EIF5B: variants seen among roughly 807,000 people sequenced by gnomAD.
EIF5B encodes the protein eIF-5B.
In EIF5B, 47 loss-of-function variants were observed where a neutral mutation model predicts 147.5. That is an observed-to-expected ratio of 0.32 (90% CI 0.25 to 0.41). The LOEUF is 0.41. EIF5B is among the 10% of genes least tolerant of loss of function. EIF5B has a pLI of 1.00. For missense variants in EIF5B, 1,064 were observed against 1,413.2 expected (o/e 0.75, Z 3.96); for synonymous variants, 455 against 456.2 (o/e 1.00, Z 0.03).
chr2:99,394,216 C>G, intron 18 of EIF5B, 51 bp from the exon 19 acceptor site: 1 of 1,559,172 alleles, frequency 6.4e-7, no homozygotes, highest in South Asian at 1.2e-5. Flanking sequence ...TTCTAGACTG[C>G]TGAGGATAGA....
chr2:99,372,633 C>G (rs1674476290), intron 9 of EIF5B, among the ~76,000 whole-genome samples: 1 of 152,200 alleles, frequency 6.6e-6, no homozygotes, highest in African/African-American at 2.4e-5. Context: ...CCACCACAGC[C>G]CGCCTAGTGT....
chr2:99,337,640 T>G, intron 1 of EIF5B, 51 bp downstream of exon 1: 1 of 1,559,068 alleles, frequency 6.4e-7, no homozygotes, highest in Non-Finnish European at 8.7e-7. Context: ...CTCAGTGGAG[T>G]GTGCGGGTCT....
At chr2:99,398,608 C>A in intron 22 of EIF5B, 140 bp from the exon 23 acceptor site, 1 of 845,490 alleles carries the variant, frequency 1.2e-6, no homozygotes. Context: ...AAATGTTACA[C>A]CGTGAGTGAT....
intron 1 of EIF5B, among the ~76,000 whole-genome samples, chr2:99,351,240 A>G (rs1673946285): frequency 6.6e-6 from 1 of 152,220 alleles, no homozygotes; most frequent in African/African-American, 2.4e-5. Flanking sequence ...CACTTAGTAC[A>G]GTATACTTTT....
chr2:99,366,747 G>A (rs979463008), intron 6 of EIF5B, among the ~76,000 whole-genome samples: 40 of 152,104 alleles, frequency 2.6e-4, no homozygotes, highest in Middle Eastern at 6.8e-3. Context: ...GTTCTAAAAT[G>A]GATATGAAGA....
At chr2:99,393,182 C>A in intron 18 of EIF5B, 84 bp downstream of exon 18, 1 of 1,264,418 alleles carries the variant, frequency 7.9e-7, no homozygotes, top group Non-Finnish European at 1.0e-6. Context: ...GGATGGTGAC[C>A]AAAACTGGCT....
chr2:99,391,342 A>G (rs1014311474), intron 17 of EIF5B, among the ~76,000 whole-genome samples: 9 of 152,206 alleles, frequency 5.9e-5, no homozygotes, highest in South Asian at 2.1e-4. Flanking sequence ...AAATCTGAGT[A>G]TAAGTGGACA....
rs186426390 is a variant in EIF5B, at chr2:99,355,928, T to A, written c.36-4308T>A. On this transcript the variant is annotated intron_variant, in intron 1 of 23. Coordinates refer to ENST00000289371, the MANE Select transcript of EIF5B (RefSeq NM_015904.4). ...GCACCCGGCCTCCCTGCTCAGTTTT[T>A]AAAAAATAAACTTTAATTTGTAGAA... is the stretch of plus-strand genomic sequence containing the variant. Among the ~76,000 whole-genome samples the A allele has an allele frequency of 5.3e-5, 8 of 152,250 alleles. No individual in the cohort carries two copies. The East Asian group carries it at 9.6e-4, about 18-fold the overall frequency.
chr2:99,386,468 C>CGCGCGTGTGTGTGTGT (rs1191263656), intron 14 of EIF5B, among the ~76,000 whole-genome samples: 53 of 142,480 alleles, frequency 3.7e-4, no homozygotes, highest in African/African-American at 1.2e-3. Context: ...TTTTGTTTTG[C>CGCGCGTGTGTGTGTGT]GTGTGTGTGT....
rs745645795 is a variant in EIF5B, at chr2:99,376,625, C to T, written c.1831C>T (p.Arg611Trp). 2.3e-5 allele frequency: 37 copies of T among 1,601,402 alleles called. No homozygotes were observed. The highest frequency in any genetic ancestry group is 2.8e-5 in the Non-Finnish European group (33 of 1,175,184). ...AGAAAGGGCTTATGACAAAGCAAAACGGAGGATTGAGGTATTTATTTTACC... is the reference window on the plus strand; with the variant it reads ...AGAAAGGGCTTATGACAAAGCAAAATGGAGGATTGAGGTATTTATTTTACC... ...KEERAYDKAKRRIEKRRLEHS... is the reference protein window; with the variant it reads ...KEERAYDKAKWRIEKRRLEHS... The change falls in exon 10 of 24, where the codon CGG becomes TGG. Residue 611 changes from arginine to tryptophan, a missense_variant. Arg to Trp is a moderately radical substitution (Grantham distance 101). Coordinates refer to ENST00000289371, the MANE Select transcript of EIF5B (RefSeq NM_015904.4).
At chr2:99,398,962 T>C in intron 23 of EIF5B, 53 bp downstream of exon 23, 21 of 1,576,900 alleles carry the variant, frequency 1.3e-5, no homozygotes, top group South Asian at 5.9e-5. Context: ...ATCACTCTTC[T>C]TGGGTCACCT....
At chr2:99,369,518 CTTATTAAATAGTGT>C in intron 8 of EIF5B, 37 bp downstream of exon 8, 8 of 1,527,088 alleles carry the variant, frequency 5.2e-6, no homozygotes, top group Non-Finnish European at 7.2e-6. Context: ...TTAGTGAATT[CTTATTAAATAGTGT>C]TGGTGTGTCA....
chr2:99,374,432 G>A (rs928266327), intron 9 of EIF5B, among the ~76,000 whole-genome samples: 8 of 150,848 alleles, frequency 5.3e-5, no homozygotes, highest in Non-Finnish European at 8.8e-5. Context: ...GTTGCGCTTC[G>A]TTTCCTGCAT....
chr2:99,355,144 C>T (rs1391719345), intron 1 of EIF5B, among the ~76,000 whole-genome samples: 1 of 152,124 alleles, frequency 6.6e-6, no homozygotes, highest in Non-Finnish European at 1.5e-5. Context: ...TGGGTTCTCT[C>T]TCTTCTCGTC....
chr2:99,363,742 C>G lies in EIF5B; in HGVS notation c.1017C>G (p.Ala339=). ...AGAAGAAAAAAGGACCTAGCAAAGC[C>G]ACTGTTAAAGCTATGCAAGAAGCTC... ...EKEKKKGPSK[A]TVKAMQEALA... Residue 339 remains alanine, a synonymous_variant, in exon 5 of 24, where the codon GCC becomes GCG. Transcript: ENST00000289371. 1 of 1,611,184 alleles carries G rather than the reference C, an allele frequency of 6.2e-7. No homozygotes were observed. Among genetic ancestry groups the G allele is most frequent in the South Asian group, 1.1e-5 (1 of 89,712 alleles).
At chr2:99,394,686 C>A in intron 20 of EIF5B, 33 bp from the exon 21 acceptor site, 1 of 1,608,906 alleles carries the variant, frequency 6.2e-7, no homozygotes, top group African/African-American at 1.3e-5. Context: ...CTGTTTTTCA[C>A]TGAATGGTCT....
At chr2:99,356,227 G>GATGTTGATC (rs1674093763) in intron 1 of EIF5B, among the ~76,000 whole-genome samples, 1 of 152,080 alleles carries the variant, frequency 6.6e-6, no homozygotes, top group Admixed American at 6.5e-5. Flanking sequence ...CACTGATGTC[G>GATGTTGATC]ATGTTGATCA....
At chr2:99,389,876 G>A (rs1169684617) in intron 15 of EIF5B, 27 bp downstream of exon 15, 2 of 1,591,216 alleles carry the variant, frequency 1.3e-6, no homozygotes, top group East Asian at 2.2e-5. Context: ...TCTTTCTGAA[G>A]AGCCTATCTC....
chr2:99,369,319 G>A (rs1674392397), intron 7 of EIF5B, 73 bp from the exon 8 acceptor site: 2 of 1,174,708 alleles, frequency 1.7e-6, no homozygotes, highest in African/African-American at 1.6e-5. Context: ...TTTTTATTCA[G>A]TACTTAATGG....
Sources: allele counts gnomAD v4.1 joint callset (sites outside exome capture counted in the v4.1 genomes callset), GRCh38; gene constraint gnomAD v4.1.1; transcripts MANE v1.5; gene names NCBI Gene and HGNC (gene_info 2026-07-23, HGNC 2026-07-21).